Variants in ADIPOR2 observed in about 807,000 individuals in gnomAD.
The protein encoded by ADIPOR2 is adiponectin receptor 2.
ADIPOR2 carries 18 observed loss-of-function variants against 40.9 expected under a neutral mutation model. The observed-to-expected ratio is 0.44, with a 90% CI of 0.30 to 0.65. The LOEUF (loss-of-function observed/expected upper bound fraction) is 0.65. Among genes scored for constraint, ADIPOR2 ranks in the 30% least tolerant of loss-of-function variants. ADIPOR2 has a pLI of 0.09. For missense variants in ADIPOR2, 283 were observed against 479.2 expected (o/e 0.59, Z 3.82); for synonymous variants, 165 against 166.4 (o/e 0.99, Z 0.06).
chr12:1,757,384 T>A (rs887634871), intron 2 of ADIPOR2: 1 of 719,078 alleles, frequency 1.4e-6, no homozygotes, highest in African/African-American at 1.7e-5. Flanking sequence ...CTGTTTCCAT[T>A]GGCATCTTTC....
chr12:1,783,859 C>T lies in ADIPOR2; in HGVS notation c.839-21C>T. On this transcript the variant is annotated intron_variant, in intron 6 of 7. Coordinates refer to ENST00000357103, the MANE Select transcript of ADIPOR2 (RefSeq NM_024551.3). The stretch of plus-strand genomic sequence containing the variant: ...TTTGTTTCTCTTCTGCATTACTTTA[C>T]TCTCTTCTTGTGACTCCTAGGAGTG... 3.2e-6 allele frequency: 5 copies of T among 1,545,286 alleles called. No homozygotes were observed. In the South Asian group the frequency reaches 4.9e-5, roughly 15 times the overall value.
chr12:1,703,871 A>T (rs915536836), intron 1 of ADIPOR2, among the ~76,000 whole-genome samples: 1 of 152,042 alleles, frequency 6.6e-6, no homozygotes, highest in African/African-American at 2.4e-5. Context: ...GTGCCACCAC[A>T]CATGATTAAT....
At chr12:1,750,053 A>G (rs539792333) in intron 1 of ADIPOR2, among the ~76,000 whole-genome samples, 21 of 151,928 alleles carry the variant, frequency 1.4e-4, no homozygotes, top group African/African-American at 4.8e-4. Flanking sequence ...GGCTGGTCTC[A>G]AACTCCTGGT....
At chr12:1,778,181 T>A in intron 4 of ADIPOR2, 156 bp downstream of exon 4, 2 of 840,032 alleles carry the variant, frequency 2.4e-6, no homozygotes, top group Non-Finnish European at 3.5e-6. Flanking sequence ...GGTTTACTCG[T>A]AGTTTATCCT....
At chr12:1,717,760 CTATG>C (rs1349063787) in intron 1 of ADIPOR2, among the ~76,000 whole-genome samples, 1 of 151,680 alleles carries the variant, frequency 6.6e-6, no homozygotes, top group African/African-American at 2.4e-5. Context: ...AGCAAGTTGA[CTATG>C]TAGGCTTTAT....
intron 1 of ADIPOR2, among the ~76,000 whole-genome samples, chr12:1,733,633 T>C (rs2094724817): frequency 6.6e-6 from 1 of 152,154 alleles, no homozygotes; most frequent in Non-Finnish European, 1.5e-5. Context: ...TTATTCTAAG[T>C]TTTAGGGTAC....
chr12:1,776,065 G>C (rs1862586934), intron 3 of ADIPOR2, among the ~76,000 whole-genome samples: 1 of 152,210 alleles, frequency 6.6e-6, no homozygotes, highest in Non-Finnish European at 1.5e-5. Flanking sequence ...TGAGGGAGGA[G>C]AGGTTTTGTA....
At chr12:1,744,179 T>C (rs1395767769) in intron 1 of ADIPOR2, among the ~76,000 whole-genome samples, 1 of 151,884 alleles carries the variant, frequency 6.6e-6, no homozygotes, top group Non-Finnish European at 1.5e-5. Flanking sequence ...CGATCTTAGC[T>C]CACTGCAAGC....
intron 2 of ADIPOR2, among the ~76,000 whole-genome samples, chr12:1,768,826 G>A (rs559525441): frequency 2.6e-5 from 4 of 152,106 alleles, no homozygotes; most frequent in Admixed American, 2.0e-4. Flanking sequence ...AACAGATGGC[G>A]GGAGGGGGGA....
intron 2 of ADIPOR2, 25 bp from the exon 3 acceptor site, chr12:1,772,817 G>T: frequency 6.3e-7 from 1 of 1,591,078 alleles, no homozygotes; most frequent in Admixed American, 1.7e-5. Flanking sequence ...CTCTGTCCTT[G>T]ACTGTTTCTG....
intron 1 of ADIPOR2, among the ~76,000 whole-genome samples, chr12:1,693,356 T>C (rs757441691): frequency 2.0e-5 from 3 of 152,048 alleles, no homozygotes; most frequent in Non-Finnish European, 4.4e-5. Flanking sequence ...AAATGATACA[T>C]AGTCAATGTT....
intron 2 of ADIPOR2, among the ~76,000 whole-genome samples, chr12:1,759,061 A>G (rs1268275087): frequency 6.8e-6 from 1 of 146,542 alleles, no homozygotes; most frequent in Non-Finnish European, 1.5e-5. Context: ...AATGTTTCTG[A>G]ATTCCAAACT....
rs1387969988 is a variant in ADIPOR2, at chr12:1,695,260, T to C, written c.-87+4069T>C. Among the ~76,000 whole-genome samples the C allele has an allele frequency of 3.3e-5, 5 of 149,576 alleles. No individual in the cohort carries two copies. In the South Asian group the frequency reaches 6.4e-4, roughly 19 times the overall value. The stretch of plus-strand genomic sequence containing the variant: ...GTTCCAGCTACTTGGGAGGTTGAGG[T>C]GGGAGGATTGCTTGAGGCTAGGAGT... On this transcript the variant is annotated intron_variant, in intron 1 of 7. Transcript: ENST00000357103.
intron 1 of ADIPOR2, among the ~76,000 whole-genome samples, chr12:1,743,007 C>T (rs546928345): frequency 6.6e-6 from 1 of 152,120 alleles, no homozygotes; most frequent in African/African-American, 2.4e-5. Flanking sequence ...ATGCTACTCT[C>T]TTTTTAAGGG....
At chr12:1,731,973 A>G (rs1436168644) in intron 1 of ADIPOR2, among the ~76,000 whole-genome samples, 2 of 145,406 alleles carry the variant, frequency 1.4e-5, no homozygotes, top group Non-Finnish European at 1.5e-5. Flanking sequence ...GAAAACAAAA[A>G]CAAAAACAAA....
chr12:1,714,336 G>A (rs1272523964), intron 1 of ADIPOR2, among the ~76,000 whole-genome samples: 1 of 152,036 alleles, frequency 6.6e-6, no homozygotes, highest in Non-Finnish European at 1.5e-5. Flanking sequence ...CACGGAGGTT[G>A]CCAGGTTTAA....
At chr12:1,770,037 C>T (rs1029937013) in intron 2 of ADIPOR2, among the ~76,000 whole-genome samples, 1 of 151,980 alleles carries the variant, frequency 6.6e-6, no homozygotes, top group Non-Finnish European at 1.5e-5. Context: ...TCCCCCTCAG[C>T]CTCTTGAGTA....
At chr12:1,783,688 A>G (rs1051832185) in intron 6 of ADIPOR2, among the ~76,000 whole-genome samples, 192 bp from the exon 7 acceptor site, 1 of 152,208 alleles carries the variant, frequency 6.6e-6, no homozygotes, top group African/African-American at 2.4e-5. Flanking sequence ...TCTTTAGAAC[A>G]TAGCTGTGTT....
At chr12:1,757,799 C>T (rs1311810981) in intron 2 of ADIPOR2, 2 of 890,154 alleles carry the variant, frequency 2.2e-6, no homozygotes, top group Non-Finnish European at 3.8e-6. Context: ...ACCTTGCCAT[C>T]GATCTTAATG....
Sources: gnomAD v4.1 joint callset for allele counts (sites outside exome capture counted in the v4.1 genomes callset) on GRCh38, gnomAD v4.1.1 for gene constraint, MANE v1.5 for transcripts, NCBI Gene and HGNC (gene_info 2026-07-23, HGNC 2026-07-21) for gene names.